The following ADAMTS9 variants were observed in gnomAD, a reference collection of about 807,000 sequenced individuals.
ADAMTS9 encodes A disintegrin and metalloproteinase with thrombospondin motifs 9.
A neutral mutation model predicts 257.1 loss-of-function variants in ADAMTS9; 107 were observed. The ratio of observed to expected loss-of-function variants is 0.42; its 90% CI spans 0.36 to 0.49. ADAMTS9 has a LOEUF of 0.49. ADAMTS9 is among the 20% of genes least tolerant of loss of function. The pLI is 0.03. For synonymous variants in ADAMTS9, 982 were observed against 880.9 expected, an observed-to-expected ratio of 1.11 and a Z score of -2.03; for missense variants, 2,353 against 2,469.1, an observed-to-expected ratio of 0.95 and a Z score of 1.00.
At chr3:64,631,393 G>A in intron 16 of ADAMTS9, 62 bp downstream of exon 16, 1 of 1,277,948 alleles carries the variant, frequency 7.8e-7, no homozygotes, top group Non-Finnish European at 1.1e-6. Flanking sequence ...AAGGAAGGAA[G>A]CAGTATCTGG....
intron 2 of ADAMTS9, among the ~76,000 whole-genome samples, chr3:64,683,683 T>G (rs569274693): frequency 1.3e-4 from 20 of 152,348 alleles, no homozygotes; most frequent in South Asian, 4.1e-4. Context: ...GTACTGTTGA[T>G]TCACAAAGGT....
At chr3:64,531,317 T>G (rs1167496298) in intron 38 of ADAMTS9, among the ~76,000 whole-genome samples, 2 of 152,166 alleles carry the variant, frequency 1.3e-5, no homozygotes, top group East Asian at 3.9e-4. Context: ...TAGGTAGAAG[T>G]ATTTGCAATA....
chr3:64,540,476 A>T (rs911062797), intron 36 of ADAMTS9, among the ~76,000 whole-genome samples: 29 of 152,158 alleles, frequency 1.9e-4, no homozygotes, highest in Non-Finnish European at 3.4e-4. Context: ...TAGAAAAGGT[A>T]ATTCTGTGTT....
rs767090486 is a variant in ADAMTS9, at chr3:64,616,113, T to C, written c.2871A>G (p.Thr957=). The stretch of plus-strand genomic sequence containing the variant: ...TATATTTGGCACAGTAGATGTCCAA[T>C]GTGCGGTAACCCAAGCCACACTGGG... The part of the protein sequence containing the change: ...CSAQCGLGYR[T]LDIYCAKYSR... The change falls in exon 20 of 40, where the codon ACA becomes ACG. Residue 957 remains threonine (T), a synonymous_variant. Coordinates refer to ENST00000498707, the MANE Select transcript of ADAMTS9 (RefSeq NM_182920.2). 1.2e-6 allele frequency: 2 copies of C among 1,614,168 alleles called. No homozygotes were observed. Among genetic ancestry groups the C allele is most frequent in the Non-Finnish European group, 1.7e-6 (2 of 1,180,000 alleles).
intron 14 of ADAMTS9, among the ~76,000 whole-genome samples, chr3:64,632,578 C>T (rs1431997153): frequency 6.6e-6 from 1 of 152,218 alleles, no homozygotes; most frequent in Non-Finnish European, 1.5e-5. Flanking sequence ...TAACACAATG[C>T]AGCCATGTAC....
chr3:64,633,910 C>G, intron 12 of ADAMTS9, 31 bp from the exon 13 acceptor site: 1 of 1,573,768 alleles, frequency 6.4e-7, no homozygotes, highest in Non-Finnish European at 8.7e-7. Flanking sequence ...AGAGCACACA[C>G]ACTGTATTAT....
At chr3:64,651,535 AT>A (rs1700931495) in intron 8 of ADAMTS9, among the ~76,000 whole-genome samples, 1 of 152,182 alleles carries the variant, frequency 6.6e-6, no homozygotes, top group South Asian at 2.1e-4. Flanking sequence ...AGAGTCAAGA[AT>A]TTGGCAGCTT....
In ADAMTS9 at chr3:64,687,105, C is replaced by T. The variant is rs1180811830; in HGVS notation, c.116-137G>A. ...AATCCCTTCACCCTTAATCAGTGGA[C>T]AAATATTTGCTGAGCACCTACTATG... On this transcript the variant is annotated intron_variant, in intron 1 of 39. Transcript: ENST00000498707. The surrounding 1 kb of genome is among the most constrained non-coding windows in gnomAD (Gnocchi z 4.4). 3 of 1,060,648 alleles carry T rather than the reference C, an allele frequency of 2.8e-6. No homozygotes were observed. The highest frequency in any genetic ancestry group is 4.0e-6 in the Non-Finnish European group (3 of 747,044). 65.7% of individuals were successfully genotyped at this position (1,060,648 alleles called of 1,614,324 possible). A position where few individuals can be genotyped will look rare whatever the true frequency, so the allele number is the denominator to read the frequency against.
At chr3:64,519,833 TATC>T (rs1367167916) in intron 39 of ADAMTS9, among the ~76,000 whole-genome samples, 1 of 151,938 alleles carries the variant, frequency 6.6e-6, no homozygotes, top group Admixed American at 6.6e-5. Context: ...CCACAGCCAA[TATC>T]ATACTTAACA....
intron 39 of ADAMTS9, 73 bp downstream of exon 39, chr3:64,522,093 C>A: frequency 7.6e-7 from 1 of 1,314,462 alleles, no homozygotes; most frequent in South Asian, 1.2e-5. Context: ...CTGATCCTCC[C>A]ACATTTGCTC....
intron 38 of ADAMTS9, among the ~76,000 whole-genome samples, chr3:64,528,731 G>C (rs1196884902): frequency 1.3e-5 from 2 of 152,216 alleles, no homozygotes; most frequent in Admixed American, 6.5e-5. Flanking sequence ...TTAATAGCCA[G>C]TACTTGTGCT....
chr3:64,641,813 C>T (rs199596739), intron 12 of ADAMTS9, 35 bp downstream of exon 12: 477 of 1,607,834 alleles, frequency 3.0e-4, no homozygotes, highest in African/African-American at 1.8e-3. Flanking sequence ...GTTCCTGCCA[C>T]GGCAGTAATA....
intron 11 of ADAMTS9, 62 bp downstream of exon 11, chr3:64,647,878 T>C: frequency 3.5e-6 from 5 of 1,444,792 alleles, no homozygotes; most frequent in East Asian, 2.3e-5. Context: ...TGTCTGATCA[T>C]ACACCCAAAA....
intron 22 of ADAMTS9, among the ~76,000 whole-genome samples, chr3:64,610,700 GGAGA>G (rs2106831024): frequency 6.6e-6 from 1 of 152,146 alleles, no homozygotes; most frequent in South Asian, 2.1e-4. Flanking sequence ...GCGAGGATGT[GGAGA>G]GAATGGAACC....
intron 26 of ADAMTS9, among the ~76,000 whole-genome samples, chr3:64,599,137 A>G (rs1339492734): frequency 6.6e-6 from 1 of 152,084 alleles, no homozygotes; most frequent in African/African-American, 2.4e-5. Flanking sequence ...GTTGCACTGC[A>G]CATTCTTGAG....
intron 3 of ADAMTS9, among the ~76,000 whole-genome samples, chr3:64,661,910 A>G (rs1323970327): frequency 6.6e-6 from 1 of 151,856 alleles, no homozygotes; most frequent in Non-Finnish European, 1.5e-5. Flanking sequence ...TTAGTTTTCT[A>G]TTTCTCATTT....
chr3:64,647,693 A>C (rs951512546), intron 11 of ADAMTS9, among the ~76,000 whole-genome samples: 1 of 152,250 alleles, frequency 6.6e-6, no homozygotes, highest in African/African-American at 2.4e-5. Context: ...GAAAGTCTTA[A>C]GTTGACAGAA....
intron 26 of ADAMTS9, among the ~76,000 whole-genome samples, chr3:64,597,858 C>T (rs924133700): frequency 6.6e-6 from 1 of 152,184 alleles, no homozygotes; most frequent in Non-Finnish European, 1.5e-5. Flanking sequence ...AATCAGTTTG[C>T]CTATAAAATA....
At position 64,681,315 on chromosome 3, in the gene ADAMTS9, G is replaced by C. The variant is rs779681987; in HGVS notation, c.565C>G (p.Gln189Glu). The change falls in exon 3 of 40, where the codon CAG becomes GAG. Residue 189 changes from glutamine to glutamate, a missense_variant. By Grantham distance (29) the Gln-to-Glu change is conservative. Around this residue, in one of 3 missense-constraint regions of ADAMTS9, gnomAD observed 591 missense variants for 569.6 expected, o/e 1.04. Transcript: ENST00000498707. ...HDGDYFIEPL[Q>E]SMDEQEDEEE... ...TCATCTTCTTGTTCATCCATAGACT[G>C]TAGTGGTTCAATAAAATAATCCCCA... 15 of 1,613,658 alleles carry C rather than the reference G, an allele frequency of 9.3e-6. No individual in the cohort carries two copies. The Admixed American group carries it at 1.8e-4, about 20-fold the overall frequency.
Sources: allele counts gnomAD v4.1 joint callset (sites outside exome capture counted in the v4.1 genomes callset), GRCh38; gene constraint gnomAD v4.1.1; regional missense constraint gnomAD v4.1.1; non-coding constraint Gnocchi (gnomAD v3.1); transcripts MANE v1.5; gene names NCBI Gene and HGNC (gene_info 2026-07-23, HGNC 2026-07-21).